Variants in ABCC9 observed in about 807,000 individuals in gnomAD.
The protein encoded by ABCC9 is ATP-binding cassette sub-family C member 9.
A neutral mutation model predicts 188.3 loss-of-function variants in ABCC9; 95 were observed. The observed-to-expected ratio is 0.50, with a 90% confidence interval of 0.43 to 0.60. ABCC9 has a LOEUF of 0.60. Among genes scored for constraint, ABCC9 ranks in the 20% least tolerant of loss-of-function variants. ABCC9 has a pLI of 0.00. For synonymous variants in ABCC9, 659 were observed against 652.7 expected, an observed-to-expected ratio of 1.01 and a Z score of -0.15; for missense variants, 1,102 against 1,876.3, an observed-to-expected ratio of 0.59 and a Z score of 7.62.
chr12:21,850,014 C>T (rs185751990), intron 24 of ABCC9, among the ~76,000 whole-genome samples: 29 of 152,050 alleles, frequency 1.9e-4, no homozygotes, highest in East Asian at 3.9e-4. Flanking sequence ...GTGCATCCTT[C>T]GGTTTCACCT....
chr12:21,808,960 T>G (rs991593217), intron 37 of ABCC9, among the ~76,000 whole-genome samples: 1 of 152,122 alleles, frequency 6.6e-6, no homozygotes, highest in Non-Finnish European at 1.5e-5. Flanking sequence ...ATGTAGTATT[T>G]CTGAGTTGGC....
intron 22 of ABCC9, among the ~76,000 whole-genome samples, chr12:21,853,102 G>T (rs564662516): frequency 6.6e-6 from 1 of 152,138 alleles, no homozygotes; most frequent in African/African-American, 2.4e-5. Flanking sequence ...ATCACCTGAG[G>T]TCAGGAGTTC....
intron 2 of ABCC9, among the ~76,000 whole-genome samples, chr12:21,938,872 A>G (rs1383065784): frequency 6.6e-6 from 1 of 152,212 alleles, no homozygotes; most frequent in Non-Finnish European, 1.5e-5. Context: ...AGAGAAGTAC[A>G]ATCACCTGAA....
chr12:21,870,217 T>C lies in ABCC9; in HGVS notation c.2198+2408A>G, dbSNP rs564948682. Among the ~76,000 whole-genome samples the C allele has an allele frequency of 2.6e-5, 4 of 152,260 alleles. No individual in the cohort carries two copies. The East Asian group carries it at 5.8e-4, about 22-fold the overall frequency. The stretch of plus-strand genomic sequence containing the variant: ...GAAGACATTAAGAATTAACCTTTTA[T>C]TGACTTTTTATAAGGTATATGGAAG... On this transcript the variant is annotated intron_variant, in intron 18 of 39. Transcript: ENST00000261200.
intron 30 of ABCC9, chr12:21,831,109 T>TG (rs1223034884): frequency 1.3e-5 from 2 of 151,234 alleles, no homozygotes; most frequent in Non-Finnish European, 2.9e-5. Context: ...TGGAGTGCAG[T>TG]GGTGCGATCT....
chr12:21,923,612 T>C, intron 5 of ABCC9: 1 of 538,234 alleles, frequency 1.9e-6, no homozygotes, highest in Non-Finnish European at 3.3e-6. Context: ...CATGACTAAA[T>C]TAGACCAAGA....
chr12:21,834,209 A>G (rs2137310967), intron 30 of ABCC9, among the ~76,000 whole-genome samples: 1 of 152,276 alleles, frequency 6.6e-6, no homozygotes, highest in Non-Finnish European at 1.5e-5. Flanking sequence ...TAAAATGCTC[A>G]CTTGATTAAC....
At chr12:21,805,425 G>T in intron 39 of ABCC9, 1 of 1,007,940 alleles carries the variant, frequency 9.9e-7, no homozygotes. Context: ...GAATCCACTT[G>T]CAAAGAGGAA....
intron 39 of ABCC9, chr12:21,805,117 A>T: frequency 2.5e-6 from 4 of 1,611,154 alleles, no homozygotes; most frequent in Non-Finnish European, 3.4e-6. Flanking sequence ...TACTGAGAGG[A>T]TACTGCTAAG....
At chr12:21,906,317 C>T (rs1948045252) in intron 11 of ABCC9, 29 bp from the exon 12 acceptor site, 8 of 1,580,060 alleles carry the variant, frequency 5.1e-6, no homozygotes, top group Non-Finnish European at 6.9e-6. Context: ...AAAATAATAC[C>T]AGCTGCATCC....
At chr12:21,932,292 T>C (rs1410654042) in intron 4 of ABCC9, among the ~76,000 whole-genome samples, 3 of 152,004 alleles carry the variant, frequency 2.0e-5, no homozygotes, top group East Asian at 3.8e-4. Context: ...TTTAAAAATA[T>C]GGGTTTTTAA....
At chr12:21,805,385 T>C (rs1406440275) in intron 39 of ABCC9, 2 of 1,462,412 alleles carry the variant, frequency 1.4e-6, no homozygotes, top group African/African-American at 2.8e-5. Flanking sequence ...AAAATAGTTT[T>C]TATTAAGCAG....
At chr12:21,803,789 T>C (rs1335021468) in intron 39 of ABCC9, among the ~76,000 whole-genome samples, 1 of 152,194 alleles carries the variant, frequency 6.6e-6, no homozygotes, top group Admixed American at 6.5e-5. Flanking sequence ...GATAAAATTT[T>C]CAAAATATTC....
intron 18 of ABCC9, among the ~76,000 whole-genome samples, chr12:21,869,137 G>T (rs763073644): frequency 6.6e-6 from 1 of 151,984 alleles, no homozygotes; most frequent in Non-Finnish European, 1.5e-5. Flanking sequence ...AGAAAACTTC[G>T]GTCCTTTCTG....
chr12:21,854,625 A>G (rs1945132552), intron 22 of ABCC9, among the ~76,000 whole-genome samples: 1 of 152,250 alleles, frequency 6.6e-6, no homozygotes, highest in Non-Finnish European at 1.5e-5. Context: ...AGTACTGTGT[A>G]TAGGAATTGG....
intron 15 of ABCC9, among the ~76,000 whole-genome samples, chr12:21,887,602 T>C (rs1946944244): frequency 1.3e-5 from 2 of 152,172 alleles, no homozygotes; most frequent in Non-Finnish European, 1.5e-5. Flanking sequence ...ATTAAACACG[T>C]CTTGTCTCTT....
chr12:21,799,794 A>G lies in ABCC9; in HGVS notation c.*1250T>C, dbSNP rs1215769688. Reference sequence around the variant, plus strand: ...AAGAAATCAATGATATTGACACTGGATGGGCACAGAATAGTAGAAACTGGT... The same window carrying G: ...AAGAAATCAATGATATTGACACTGGGTGGGCACAGAATAGTAGAAACTGGT... On this transcript the variant is annotated 3_prime_UTR_variant, in exon 40 of 40. Coordinates refer to ENST00000261200, the MANE Select transcript of ABCC9 (RefSeq NM_020297.4). 2.0e-5 allele frequency: 3 copies of G among 152,324 alleles called. No individual in the cohort carries two copies. The highest frequency in any genetic ancestry group is 4.1e-4 in the South Asian group (2 of 4,830). 9.4% of individuals were successfully genotyped at this position (152,324 alleles called of 1,614,324 possible). A position where few individuals can be genotyped will look rare whatever the true frequency, so the allele number is the denominator to read the frequency against.
At chr12:21,885,751 C>A (rs1311102662) in intron 15 of ABCC9, among the ~76,000 whole-genome samples, 2 of 152,118 alleles carry the variant, frequency 1.3e-5, no homozygotes, top group African/African-American at 4.8e-5. Flanking sequence ...CAAAATCACA[C>A]CCGTTCAGTA....
At chr12:21,870,261 G>GTT (rs893308840) in intron 18 of ABCC9, among the ~76,000 whole-genome samples, 8 of 145,704 alleles carry the variant, frequency 5.5e-5, no homozygotes, top group African/African-American at 1.5e-4. Context: ...TTAGTTTTTT[G>GTT]TTTTTTTTTT....
Sources: gnomAD v4.1 joint callset for allele counts (sites outside exome capture counted in the v4.1 genomes callset) on GRCh38, gnomAD v4.1.1 for gene constraint, MANE v1.5 for transcripts, NCBI Gene and HGNC (gene_info 2026-07-23, HGNC 2026-07-21) for gene names.